RBM19: variants seen among roughly 807,000 people sequenced by gnomAD.
RBM19 encodes RNA binding motif protein 19, also known as probable RNA-binding protein 19.
Under a neutral mutation model 116.8 loss-of-function variants are expected in RBM19, and 94 were observed. The ratio of observed to expected loss-of-function variants is 0.80; its 90% CI spans 0.68 to 0.95. RBM19 has a LOEUF of 0.95. Ranked by LOEUF, RBM19 falls within the 40% of genes least tolerant of loss-of-function variation. RBM19 has a pLI of 0.00. For missense variants in RBM19, 1,161 were observed against 1,220.7 expected, an observed-to-expected ratio of 0.95 and a Z score of 0.73; for synonymous variants, 475 against 494.1, an observed-to-expected ratio of 0.96 and a Z score of 0.51.
intron 20 of RBM19, among the ~76,000 whole-genome samples, chr12:113,916,706 C>T (rs1882797217): frequency 6.6e-6 from 1 of 152,148 alleles, no homozygotes; most frequent in South Asian, 2.1e-4. Flanking sequence ...AAAGAGATCC[C>T]CAAGGTGAGG....
Position 113,823,167 on chromosome 12 carries a change from T to A in RBM19, c.*57A>T. 2 of 1,481,008 alleles carry A rather than the reference T, an allele frequency of 1.4e-6. No homozygotes were observed. Among genetic ancestry groups the A allele is most frequent in the Non-Finnish European group, 1.9e-6 (2 of 1,078,006 alleles). The allele number at this position is 1,481,008 out of a possible 1,614,324, so 91.7% of individuals were successfully genotyped here. On this transcript the variant is annotated 3_prime_UTR_variant, in exon 24 of 24. Transcript: ENST00000261741. ...CCCACATGGTGGTGAGTGCAGAAGC[T>A]GGAGCGGCTGTCCCGGTCCCCAGGG...
Position 113,945,922 on chromosome 12 carries a change from G to C in RBM19, c.1532C>G (p.Ser511Cys), listed in dbSNP as rs1186886571. 1 of 1,565,670 alleles carries C rather than the reference G, an allele frequency of 6.4e-7. No individual in the cohort carries two copies. The highest frequency in any genetic ancestry group is 8.8e-7 in the Non-Finnish European group (1 of 1,135,954). Residue 511 changes from serine (S) to cysteine (C), a missense_variant and splice_region_variant, in exon 13 of 24, where the codon TCT becomes TGT. By Grantham distance (112) the Ser-to-Cys change is moderately radical (BLOSUM62 -1). Transcript: ENST00000261741. ...EAQDKANSAS[S>C]HNWNTLFMGP... The stretch of plus-strand genomic sequence containing the variant: ...CATGAATAGTGTGTTCCAGTTGTGA[G>C]AGCTAAGAGGCAGAGGCAGAACAGG...
intron 5 of RBM19, 134 bp from the exon 6 acceptor site, chr12:113,958,184 G>A: frequency 6.8e-7 from 1 of 1,471,576 alleles, no homozygotes; most frequent in South Asian, 1.4e-5. Flanking sequence ...CCTGTGCCCA[G>A]CATCCCCCAT....
intron 16 of RBM19, chr12:113,936,714 T>C: frequency 3.9e-6 from 1 of 254,298 alleles, no homozygotes. Context: ...GGTCCATCTC[T>C]GAAACAGGAA....
intron 23 of RBM19, among the ~76,000 whole-genome samples, chr12:113,829,906 G>T (rs941443676): frequency 2.0e-5 from 3 of 152,220 alleles, no homozygotes; most frequent in African/African-American, 7.2e-5. Flanking sequence ...AAGGCCAAGG[G>T]GCGAGCTGCA....
chr12:113,840,487 C>T (rs1876367876), intron 23 of RBM19, among the ~76,000 whole-genome samples: 2 of 152,248 alleles, frequency 1.3e-5, no homozygotes, highest in Admixed American at 6.5e-5. Flanking sequence ...ACGTAGGTTA[C>T]CATACACACT....
At chr12:113,884,121 A>AC (rs1565995809) in intron 21 of RBM19, among the ~76,000 whole-genome samples, 1 of 87,966 alleles carries the variant, frequency 1.1e-5, no homozygotes, top group African/African-American at 4.1e-5. Context: ...CCAAAAAAAA[A>AC]AAAAAACAAA....
intron 22 of RBM19, among the ~76,000 whole-genome samples, chr12:113,847,676 G>A (rs1440570287): frequency 6.6e-6 from 1 of 152,156 alleles, no homozygotes; most frequent in African/African-American, 2.4e-5. Flanking sequence ...GAACTCTCAA[G>A]AACGGAATAA....
chr12:113,892,491 A>T (rs188417672), intron 21 of RBM19, among the ~76,000 whole-genome samples: 22 of 152,370 alleles, frequency 1.4e-4, no homozygotes, highest in African/African-American at 4.8e-4. Context: ...GAATTTTGAA[A>T]GAGTAAAACT....
At chr12:113,892,277 C>T (rs1359533098) in intron 21 of RBM19, among the ~76,000 whole-genome samples, 1 of 152,152 alleles carries the variant, frequency 6.6e-6, no homozygotes, top group Non-Finnish European at 1.5e-5. Flanking sequence ...GTCACTTAAC[C>T]TCTCTGACCT....
intron 14 of RBM19, among the ~76,000 whole-genome samples, chr12:113,942,015 GAACAGAT>G (rs1436140640): frequency 1.3e-5 from 2 of 152,122 alleles, no homozygotes; most frequent in African/African-American, 4.8e-5. Flanking sequence ...CAAAGTCCCC[GAACAGAT>G]AACAGATGCT....
chr12:113,868,315 T>G (rs1878984163), intron 21 of RBM19, among the ~76,000 whole-genome samples: 1 of 152,122 alleles, frequency 6.6e-6, no homozygotes, highest in Non-Finnish European at 1.5e-5. Flanking sequence ...TGCGTACAGT[T>G]TAGAAGCAAC....
chr12:113,891,191 A>C (rs1880940581), intron 21 of RBM19, among the ~76,000 whole-genome samples: 1 of 152,162 alleles, frequency 6.6e-6, no homozygotes, highest in Non-Finnish European at 1.5e-5. Flanking sequence ...CCAGCAAGAG[A>C]AAAGAACCTT....
chr12:113,880,647 C>A (rs1271031344), intron 21 of RBM19, among the ~76,000 whole-genome samples: 1 of 152,176 alleles, frequency 6.6e-6, no homozygotes, highest in African/African-American at 2.4e-5. Flanking sequence ...GCTAGCCTCC[C>A]GTCAGAGACA....
At chr12:113,956,319 G>A (rs1443449238) in intron 6 of RBM19, among the ~76,000 whole-genome samples, 1 of 152,108 alleles carries the variant, frequency 6.6e-6, no homozygotes, top group Non-Finnish European at 1.5e-5. Flanking sequence ...AGTGGCTCAG[G>A]CCTGTAATCC....
rs1235050324 is a variant in RBM19 at position 113,903,558 on chromosome 12, CT to C, written c.2558+11410del. On this transcript the variant is annotated intron_variant, in intron 21 of 23. Coordinates refer to ENST00000261741, the MANE Select transcript of RBM19 (RefSeq NM_016196.4). The surrounding 1 kb of genome is among the most constrained non-coding windows in gnomAD (Gnocchi z 5.1). ...CCACACTTGGAATTTCCCAGAGCAG[CT>C]GTACCATTTTTGGCTCCCATGAGCA... Among the ~76,000 whole-genome samples, 1 of 152,242 alleles carries C rather than the reference CT, an allele frequency of 6.6e-6. No homozygotes were observed. The highest frequency in any genetic ancestry group is 1.5e-5 in the Non-Finnish European group (1 of 68,044).
At chr12:113,848,453 A>T (rs896714285) in intron 22 of RBM19, among the ~76,000 whole-genome samples, 15 of 152,164 alleles carry the variant, frequency 9.9e-5, no homozygotes, top group African/African-American at 3.6e-4. Context: ...CAGTGATTTG[A>T]GGCTAAAATA....
intron 2 of RBM19, among the ~76,000 whole-genome samples, chr12:113,961,318 AC>A (rs1465863590): frequency 2.0e-5 from 3 of 151,994 alleles, no homozygotes; most frequent in African/African-American, 7.2e-5. Context: ...GAGCCACCAC[AC>A]CTGGCCAGTT....
chr12:113,920,809 C>T (rs892387095), intron 18 of RBM19, 119 bp from the exon 19 acceptor site: 60 of 865,976 alleles, frequency 6.9e-5, no homozygotes, highest in Non-Finnish European at 5.9e-5. Context: ...ATACCCCCTT[C>T]ATTCCCCCCA....
Sources: allele counts gnomAD v4.1 joint callset (sites outside exome capture counted in the v4.1 genomes callset), GRCh38; gene constraint gnomAD v4.1.1; non-coding constraint Gnocchi (gnomAD v3.1); transcripts MANE v1.5; gene names NCBI Gene and HGNC (gene_info 2026-07-23, HGNC 2026-07-21).